KCNJ5: variants seen among roughly 807,000 people sequenced by gnomAD.
KCNJ5 encodes G protein-activated inward rectifier potassium channel 4.
A neutral mutation model predicts 20.2 loss-of-function variants in KCNJ5; 12 were observed. The ratio of observed to expected loss-of-function variants is 0.59; its 90% CI spans 0.38 to 0.96. The LOEUF is 0.96. Among genes scored for constraint, KCNJ5 ranks in the 40% least tolerant of loss-of-function variants. The pLI, the probability that KCNJ5 is intolerant of heterozygous loss-of-function variation, is 0.00. For synonymous variants in KCNJ5, 210 were observed against 213.9 expected, an observed-to-expected ratio of 0.98 and a Z score of 0.16; for missense variants, 449 against 557.6, an observed-to-expected ratio of 0.81 and a Z score of 1.96.
intron 1 of KCNJ5, among the ~76,000 whole-genome samples, chr11:128,908,053 TA>T (rs1221321032): frequency 2.6e-5 from 4 of 152,224 alleles, no homozygotes; most frequent in Non-Finnish European, 5.9e-5. Context: ...GGATTTTACT[TA>T]CCCTTAAAAG....
chr11:128,898,967 G>A (rs536309497), intron 1 of KCNJ5, among the ~76,000 whole-genome samples: 49 of 152,304 alleles, frequency 3.2e-4, no homozygotes, highest in African/African-American at 9.9e-4. Context: ...GGCGTGAGCC[G>A]CCGTGCCTGG....
intron 1 of KCNJ5, among the ~76,000 whole-genome samples, chr11:128,895,195 C>T (rs910994875): frequency 6.6e-5 from 10 of 152,160 alleles, no homozygotes. Flanking sequence ...GGGTGTACTG[C>T]TCACCCTACA....
chr11:128,909,012 C>G lies in KCNJ5; in HGVS notation c.-10-2252C>G, dbSNP rs117689299. 1.1e-4 allele frequency among the ~76,000 whole-genome samples: 16 copies of G among 152,360 alleles called. 1 individual carries two copies. The East Asian group carries it at 3.1e-3, about 29-fold the overall frequency. On this transcript the variant is annotated intron_variant, in intron 1 of 2. Coordinates refer to ENST00000529694, the MANE Select transcript of KCNJ5 (RefSeq NM_000890.5). ...TCCTTGTCTCATTTATCCTTGTTAACTGCCACATGAAGGAGCAGGAAGCAG... is the reference window on the plus strand; with the variant it reads ...TCCTTGTCTCATTTATCCTTGTTAAGTGCCACATGAAGGAGCAGGAAGCAG...
intron 1 of KCNJ5, among the ~76,000 whole-genome samples, chr11:128,892,019 A>C (rs1944100024): frequency 6.6e-6 from 1 of 152,222 alleles, no homozygotes; most frequent in Non-Finnish European, 1.5e-5. Flanking sequence ...TTTGAGAGGC[A>C]ACAGTGGCCA....
At chr11:128,909,153 G>A (rs1486340729) in intron 1 of KCNJ5, among the ~76,000 whole-genome samples, 2 of 152,222 alleles carry the variant, frequency 1.3e-5, no homozygotes, top group African/African-American at 4.8e-5. Context: ...CACCCAGGCA[G>A]CACAGGAAAA....
intron 1 of KCNJ5, among the ~76,000 whole-genome samples, chr11:128,908,182 A>G (rs1421597235): frequency 6.6e-6 from 1 of 152,218 alleles, no homozygotes; most frequent in East Asian, 1.9e-4. Flanking sequence ...CATCTTTAAA[A>G]TGGGGTTAAT....
intron 1 of KCNJ5, chr11:128,903,563 TG>T: frequency 6.3e-7 from 1 of 1,595,814 alleles, no homozygotes; most frequent in South Asian, 1.1e-5. Context: ...AATCAGTGGC[TG>T]CTAGTTAGTG....
chr11:128,912,272 T>G, intron 2 of KCNJ5, 62 bp downstream of exon 2: 1 of 1,294,928 alleles, frequency 7.7e-7, no homozygotes, highest in Non-Finnish European at 1.1e-6. Context: ...CTTAGGCAAC[T>G]GTGACTCCAG....
At chr11:128,896,704 G>C (rs893530653) in intron 1 of KCNJ5, among the ~76,000 whole-genome samples, 1 of 151,938 alleles carries the variant, frequency 6.6e-6, no homozygotes, top group African/African-American at 2.4e-5. Context: ...ACCATTGCTT[G>C]TTTAACCATT....
chr11:128,920,786 C>G lies in KCNJ5; in HGVS notation c.*4055C>G, dbSNP rs1037883699. On this transcript the variant is annotated 3_prime_UTR_variant, in exon 3 of 3. Coordinates refer to ENST00000529694, the MANE Select transcript of KCNJ5 (RefSeq NM_000890.5). ...CGTGGTCCTGCCTAAACTCTCACAT[C>G]CACGGCACCACGCTGGGCCCAGGCA... 2.6e-5 allele frequency: 4 copies of G among 152,268 alleles called. No homozygotes were observed. Among genetic ancestry groups the G allele is most frequent in the Non-Finnish European group, 5.9e-5 (4 of 68,064 alleles). 9.4% of individuals were successfully genotyped at this position (152,268 alleles called of 1,614,324 possible).
At chr11:128,914,614 G>C (rs1591452569) in intron 2 of KCNJ5, among the ~76,000 whole-genome samples, 1 of 152,188 alleles carries the variant, frequency 6.6e-6, no homozygotes, top group African/African-American at 2.4e-5. Flanking sequence ...CTGCCTGAGC[G>C]GGTTTGAGCA....
rs1286900771 is a variant in KCNJ5, at chr11:128,891,433, C to CAGAGAGAGAGAGAGAG, written c.-298_-297insGAGAGAGAGAGAGAGA. The CAGAGAGAGAGAGAGAG allele has an allele frequency of 5.7e-5, 5 of 88,386 alleles. No homozygotes were observed. Among genetic ancestry groups the CAGAGAGAGAGAGAGAG allele is most frequent in the East Asian group, 4.0e-4 (1 of 2,530 alleles). 5.5% of individuals were successfully genotyped at this position (88,386 alleles called of 1,614,324 possible). On this transcript the variant is annotated 5_prime_UTR_variant, in exon 1 of 3. Coordinates refer to ENST00000529694, the MANE Select transcript of KCNJ5 (RefSeq NM_000890.5). ...ACACACACACACACACACACACACACACACACACAGAGAGAGAGAGAGAGA... is the reference window on the plus strand; with the variant it reads ...ACACACACACACACACACACACACACAGAGAGAGAGAGAGAGACACACACAGAGAGAGAGAGAGAGA...
chr11:128,899,021 G>T (rs61027327), intron 1 of KCNJ5, among the ~76,000 whole-genome samples: 1 of 152,250 alleles, frequency 6.6e-6, no homozygotes, highest in African/African-American at 2.4e-5. Flanking sequence ...ATTCTCAATG[G>T]ATTTTTCTGT....
chr11:128,898,024 A>G (rs1468403277), intron 1 of KCNJ5, among the ~76,000 whole-genome samples: 2 of 152,256 alleles, frequency 1.3e-5, no homozygotes, highest in African/African-American at 2.4e-5. Context: ...CCTTCTGCCA[A>G]TACCACATAG....
intron 1 of KCNJ5, among the ~76,000 whole-genome samples, chr11:128,894,164 C>T (rs530432426): frequency 1.4e-5 from 2 of 147,800 alleles, no homozygotes; most frequent in South Asian, 4.4e-4. Context: ...TACTTGAAAA[C>T]TGCATCCACT....
chr11:128,905,146 C>A (rs1324885112), intron 1 of KCNJ5, among the ~76,000 whole-genome samples: 1 of 152,224 alleles, frequency 6.6e-6, no homozygotes, highest in African/African-American at 2.4e-5. Flanking sequence ...GCCCGCCCTT[C>A]CTCCAGGAAG....
At chr11:128,902,976 T>C (rs1944316628) in intron 1 of KCNJ5, among the ~76,000 whole-genome samples, 1 of 152,084 alleles carries the variant, frequency 6.6e-6, no homozygotes, top group Non-Finnish European at 1.5e-5. Context: ...CTTCAAAAGT[T>C]TAATTTCTGG....
Position 128,919,442 on chromosome 11 carries a change from T to A in KCNJ5, c.*2711T>A, listed in dbSNP as rs953345115. 1 of 152,288 alleles carries A rather than the reference T, an allele frequency of 6.6e-6. No homozygotes were observed. The highest frequency in any genetic ancestry group is 2.1e-4 in the South Asian group (1 of 4,834). The allele number at this position is 152,288 out of a possible 1,614,324, so 9.4% of individuals were successfully genotyped here. A position where few individuals can be genotyped will look rare whatever the true frequency, so the allele number is the denominator to read the frequency against. ...CCGAGCCCGGGCATGCTGGGATTAG[T>A]GCAACACCGCCCCAGTGTGCCTCCT... is the stretch of plus-strand genomic sequence containing the variant. On this transcript the variant is annotated 3_prime_UTR_variant, in exon 3 of 3. Coordinates refer to ENST00000529694, the MANE Select transcript of KCNJ5 (RefSeq NM_000890.5).
At chr11:128,895,223 G>A (rs867124594) in intron 1 of KCNJ5, among the ~76,000 whole-genome samples, 21 of 152,150 alleles carry the variant, frequency 1.4e-4, no homozygotes, top group African/African-American at 4.8e-4. Flanking sequence ...CCAGATTTCA[G>A]GCACCCGACT....
Sources: allele counts gnomAD v4.1 joint callset (sites outside exome capture counted in the v4.1 genomes callset), GRCh38; gene constraint gnomAD v4.1.1; transcripts MANE v1.5; gene names NCBI Gene and HGNC (gene_info 2026-07-23, HGNC 2026-07-21).